RORB: variants seen among roughly 807,000 people sequenced by gnomAD.
RORB encodes the protein nuclear receptor ROR-beta.
Under a neutral mutation model 59.1 loss-of-function variants are expected in RORB, and 6 were observed. The ratio of observed to expected loss-of-function variants is 0.10; its 90% CI spans 0.06 to 0.20. RORB has a LOEUF of 0.20. RORB is among the 10% of genes least tolerant of loss of function. The probability of loss-of-function intolerance (pLI) is 1.00; values close to 1 mark genes in which losing one functional copy is unlikely to be tolerated. For missense variants in RORB, 320 were observed against 560.5 expected (o/e 0.57, Z 4.33); for synonymous variants, 215 against 204.5 (o/e 1.05, Z -0.44).
At chr9:74,604,620 T>A (rs1823122203) in intron 1 of RORB, among the ~76,000 whole-genome samples, 2 of 152,246 alleles carry the variant, frequency 1.3e-5, no homozygotes, top group Non-Finnish European at 2.9e-5. Flanking sequence ...TTTATCTAGA[T>A]CACCCAATTA....
At chr9:74,568,266 T>C (rs1822497475) in intron 1 of RORB, among the ~76,000 whole-genome samples, 1 of 152,172 alleles carries the variant, frequency 6.6e-6, no homozygotes, top group Non-Finnish European at 1.5e-5. Flanking sequence ...TATGTATTTT[T>C]TTTTTTGAAA....
chr9:74,627,411 T>C (rs1000981831), intron 1 of RORB, among the ~76,000 whole-genome samples: 2 of 152,190 alleles, frequency 1.3e-5, no homozygotes, highest in Admixed American at 6.5e-5. Flanking sequence ...AAAATGTTGT[T>C]AAGATGTTTA....
At chr9:74,625,184 G>A (rs1823489030) in intron 1 of RORB, among the ~76,000 whole-genome samples, 1 of 152,154 alleles carries the variant, frequency 6.6e-6, no homozygotes, top group South Asian at 2.1e-4. Context: ...TGATTTATGT[G>A]GTAGAGAAAA....
intron 4 of RORB, among the ~76,000 whole-genome samples, chr9:74,645,778 T>C (rs1471192962): frequency 1.3e-5 from 2 of 152,138 alleles, no homozygotes; most frequent in Non-Finnish European, 2.9e-5. Flanking sequence ...AGAAGTTATA[T>C]AACTTGTAAA....
At chr9:74,677,829 C>T (rs1476346448) in intron 9 of RORB, among the ~76,000 whole-genome samples, 1 of 152,178 alleles carries the variant, frequency 6.6e-6, no homozygotes, top group Non-Finnish European at 1.5e-5. Context: ...GCAAAAGAAA[C>T]ATTCACGTGG....
At chr9:74,587,535 A>G (rs1822819567) in intron 1 of RORB, among the ~76,000 whole-genome samples, 1 of 152,304 alleles carries the variant, frequency 6.6e-6, no homozygotes, top group Middle Eastern at 3.4e-3. Flanking sequence ...CTGTGGGTCA[A>G]CTGGGTGGTT....
intron 1 of RORB, among the ~76,000 whole-genome samples, chr9:74,554,403 C>G (rs1826660055): frequency 6.6e-6 from 1 of 152,056 alleles, no homozygotes; most frequent in African/African-American, 2.4e-5. Flanking sequence ...ATATGCTTCA[C>G]CGAAGCACCT....
intron 1 of RORB, among the ~76,000 whole-genome samples, chr9:74,623,587 CTG>C (rs1192589389): frequency 6.6e-6 from 1 of 152,164 alleles, no homozygotes; most frequent in Non-Finnish European, 1.5e-5. Context: ...GTTGCTAAAA[CTG>C]TGGCTACCTG....
intron 4 of RORB, among the ~76,000 whole-genome samples, chr9:74,645,984 C>T (rs1014364513): frequency 6.6e-6 from 1 of 152,124 alleles, no homozygotes; most frequent in Non-Finnish European, 1.5e-5. Context: ...AGTATGCACG[C>T]TGTCATTTTG....
chr9:74,663,027 C>T (rs1824214594), intron 6 of RORB, among the ~76,000 whole-genome samples: 1 of 152,158 alleles, frequency 6.6e-6, no homozygotes, highest in East Asian at 1.9e-4. Flanking sequence ...AGCCAGTATA[C>T]ACCAGGAGAA....
At chr9:74,560,629 A>G (rs1822383191) in intron 1 of RORB, among the ~76,000 whole-genome samples, 1 of 151,908 alleles carries the variant, frequency 6.6e-6, no homozygotes, top group African/African-American at 2.4e-5. Context: ...GATTCCAAAG[A>G]TCTTAGTCAT....
At chr9:74,672,419 T>C (rs1824362813) in intron 9 of RORB, among the ~76,000 whole-genome samples, 2 of 152,296 alleles carry the variant, frequency 1.3e-5, no homozygotes, top group African/African-American at 4.8e-5. Flanking sequence ...AGGTATGTTA[T>C]AAATGACATT....
At chr9:74,567,407 A>G (rs904018428) in intron 1 of RORB, among the ~76,000 whole-genome samples, 1 of 152,194 alleles carries the variant, frequency 6.6e-6, no homozygotes, top group African/African-American at 2.4e-5. Flanking sequence ...AGAGATTGAC[A>G]CAAGACAACA....
At chr9:74,500,100 A>C (rs1825786188) in intron 1 of RORB, among the ~76,000 whole-genome samples, 1 of 152,238 alleles carries the variant, frequency 6.6e-6, no homozygotes, top group South Asian at 2.1e-4. Context: ...AACCAGTTTA[A>C]GCCCACAGAC....
At chr9:74,636,856 A>G (rs934440124) in intron 3 of RORB, among the ~76,000 whole-genome samples, 2 of 152,196 alleles carry the variant, frequency 1.3e-5, no homozygotes, top group Admixed American at 6.5e-5. Flanking sequence ...CCTCTTCACT[A>G]TATCATACAG....
chr9:74,641,125 G>T (rs893918152), intron 3 of RORB, among the ~76,000 whole-genome samples: 3 of 152,174 alleles, frequency 2.0e-5, no homozygotes, highest in Non-Finnish European at 4.4e-5. Context: ...ACTCAGGGAG[G>T]AGCCTCCAAG....
chr9:74,553,876 A>G (rs1387388200), intron 1 of RORB, among the ~76,000 whole-genome samples: 6 of 152,224 alleles, frequency 3.9e-5, no homozygotes, highest in African/African-American at 1.4e-4. Context: ...GCAACCATCT[A>G]GAACTGACAT....
At chr9:74,581,768 A>G (rs1327230908) in intron 1 of RORB, among the ~76,000 whole-genome samples, 1 of 152,172 alleles carries the variant, frequency 6.6e-6, no homozygotes. Flanking sequence ...ATCATTTGAT[A>G]TTGAATTCAT....
At chr9:74,524,137 T>C (rs891343446) in intron 1 of RORB, among the ~76,000 whole-genome samples, 3 of 150,746 alleles carry the variant, frequency 2.0e-5, no homozygotes, top group Non-Finnish European at 4.4e-5. Flanking sequence ...AATTCCAGTA[T>C]AGTGGGATAT....
Sources: gnomAD v4.1 joint callset for allele counts (sites outside exome capture counted in the v4.1 genomes callset) on GRCh38, gnomAD v4.1.1 for gene constraint, MANE v1.5 for transcripts, NCBI Gene and HGNC (gene_info 2026-07-23, HGNC 2026-07-21) for gene names.